Variants in BTBD9 observed in about 807,000 individuals in gnomAD.
BTBD9 encodes the protein BTB domain containing 9.
A neutral mutation model predicts 64.3 loss-of-function variants in BTBD9; 49 were observed. The ratio of observed to expected loss-of-function variants is 0.76; its 90% CI spans 0.61 to 0.97. BTBD9 has a LOEUF of 0.97. Ranked by LOEUF, BTBD9 falls within the 50% of genes least tolerant of loss-of-function variation. The probability of loss-of-function intolerance (pLI) is 0.00; values close to 1 mark genes in which losing one functional copy is unlikely to be tolerated. For synonymous variants in BTBD9, 260 were observed against 274.7 expected (o/e 0.95, Z 0.53); for missense variants, 598 against 762.1 (o/e 0.78, Z 2.53).
intron 1 of BTBD9, among the ~76,000 whole-genome samples, chr6:38,618,511 C>T (rs981106190): frequency 9.9e-5 from 15 of 152,160 alleles, no homozygotes. Flanking sequence ...TAATGATGAG[C>T]CTCCTCTAAT....
chr6:38,472,727 C>T (rs1582486637), intron 6 of BTBD9, among the ~76,000 whole-genome samples: 2 of 152,218 alleles, frequency 1.3e-5, no homozygotes, highest in East Asian at 3.9e-4. Context: ...ATACGCTAGG[C>T]CTGCAATGTG....
At chr6:38,471,484 G>T (rs563949136) in intron 6 of BTBD9, among the ~76,000 whole-genome samples, 1 of 152,134 alleles carries the variant, frequency 6.6e-6, no homozygotes, top group African/African-American at 2.4e-5. Flanking sequence ...TGAAAGGCAG[G>T]TTTAGAGCTC....
chr6:38,401,915 C>T (rs971922742), intron 6 of BTBD9, among the ~76,000 whole-genome samples: 32 of 152,300 alleles, frequency 2.1e-4, no homozygotes, highest in Non-Finnish European at 4.4e-4. Context: ...ATACTCTACT[C>T]TTTAAAAGAA....
intron 6 of BTBD9, among the ~76,000 whole-genome samples, chr6:38,537,670 C>T (rs1326723341): frequency 6.6e-6 from 1 of 152,158 alleles, no homozygotes; most frequent in Non-Finnish European, 1.5e-5. Flanking sequence ...ACAAAGAAAA[C>T]ATTAGATAAA....
At chr6:38,463,343 C>T (rs1770191234) in intron 6 of BTBD9, among the ~76,000 whole-genome samples, 1 of 152,220 alleles carries the variant, frequency 6.6e-6, no homozygotes, top group Non-Finnish European at 1.5e-5. Flanking sequence ...TTCACTTCTT[C>T]CTTTCTAATT....
At chr6:38,359,162 A>C (rs1764854940) in intron 6 of BTBD9, among the ~76,000 whole-genome samples, 1 of 152,224 alleles carries the variant, frequency 6.6e-6, no homozygotes, top group Non-Finnish European at 1.5e-5. Flanking sequence ...TCCTGGTTTT[A>C]GCACTAAACA....
At chr6:38,260,237 A>C (rs935449890) in intron 8 of BTBD9, among the ~76,000 whole-genome samples, 1 of 152,218 alleles carries the variant, frequency 6.6e-6, no homozygotes, top group Non-Finnish European at 1.5e-5. Context: ...ACTCTGACAC[A>C]GTAGAGTAAA....
chr6:38,208,134 C>T (rs774375043), intron 9 of BTBD9, among the ~76,000 whole-genome samples: 1 of 152,122 alleles, frequency 6.6e-6, no homozygotes, highest in South Asian at 2.1e-4. Context: ...AACAGATTCT[C>T]GAAAAGGGAA....
At chr6:38,486,472 C>T (rs903014984) in intron 6 of BTBD9, among the ~76,000 whole-genome samples, 1 of 152,164 alleles carries the variant, frequency 6.6e-6, no homozygotes, top group Non-Finnish European at 1.5e-5. Context: ...TTCACTTCAA[C>T]ACTTAAAGAG....
At chr6:38,393,064 C>T (rs1766504839) in intron 6 of BTBD9, among the ~76,000 whole-genome samples, 1 of 152,026 alleles carries the variant, frequency 6.6e-6, no homozygotes, top group Admixed American at 6.6e-5. Flanking sequence ...TTAGTAGAGA[C>T]AGGGTTTCGC....
intron 6 of BTBD9, among the ~76,000 whole-genome samples, chr6:38,491,791 G>C (rs1443237644): frequency 6.6e-6 from 1 of 152,044 alleles, no homozygotes; most frequent in South Asian, 2.1e-4. Flanking sequence ...GGCCCAACAG[G>C]GTGTATTAAG....
intron 6 of BTBD9, among the ~76,000 whole-genome samples, chr6:38,360,625 G>A (rs1240586961): frequency 1.3e-5 from 2 of 152,108 alleles, no homozygotes; most frequent in East Asian, 3.9e-4. Context: ...TGGGGGTTGT[G>A]GGGGATGCCA....
At chr6:38,414,160 T>C (rs1354656404) in intron 6 of BTBD9, among the ~76,000 whole-genome samples, 2 of 152,220 alleles carry the variant, frequency 1.3e-5, no homozygotes, top group African/African-American at 2.4e-5. Flanking sequence ...ACTGACAAAA[T>C]TCGCCATTTA....
At chr6:38,206,762 AG>A (rs764147994) in intron 9 of BTBD9, among the ~76,000 whole-genome samples, 3 of 152,242 alleles carry the variant, frequency 2.0e-5, no homozygotes, top group Non-Finnish European at 4.4e-5. Context: ...TATCTTTCAA[AG>A]TAGGAACACA....
At chr6:38,228,484 T>C (rs1412892240) in intron 9 of BTBD9, among the ~76,000 whole-genome samples, 1 of 151,924 alleles carries the variant, frequency 6.6e-6, no homozygotes, top group Non-Finnish European at 1.5e-5. Context: ...ATGTTGATAC[T>C]TGGGGAGGCT....
intron 6 of BTBD9, among the ~76,000 whole-genome samples, chr6:38,375,971 G>A (rs1372207239): frequency 6.6e-6 from 1 of 151,496 alleles, no homozygotes; most frequent in South Asian, 2.1e-4. Context: ...AAGAAAAAAC[G>A]TGTAGGCATA....
intron 7 of BTBD9, among the ~76,000 whole-genome samples, chr6:38,288,913 C>A (rs569937914): frequency 6.6e-6 from 1 of 151,808 alleles, no homozygotes; most frequent in East Asian, 1.9e-4. Context: ...GGTGACAGAG[C>A]GAGACTCGTC....
chr6:38,595,518 G>C (rs1776994968), intron 2 of BTBD9, among the ~76,000 whole-genome samples: 1 of 152,156 alleles, frequency 6.6e-6, no homozygotes. Context: ...AAAGGACGAA[G>C]AGGACAAGGG....
chr6:38,299,116 T>C (rs1025809807), intron 7 of BTBD9, among the ~76,000 whole-genome samples: 9 of 152,174 alleles, frequency 5.9e-5, no homozygotes, highest in Admixed American at 2.0e-4. Context: ...GTTTGGTTTT[T>C]TGTCCTTGCG....
Sources: gnomAD v4.1 joint callset for allele counts (sites outside exome capture counted in the v4.1 genomes callset) on GRCh38, gnomAD v4.1.1 for gene constraint, MANE v1.5 for transcripts, NCBI Gene and HGNC (gene_info 2026-07-23, HGNC 2026-07-21) for gene names.